AK4: variants seen among roughly 807,000 people sequenced by gnomAD.
AK4 encodes the protein adenylate kinase 4, mitochondrial.
A neutral mutation model predicts 24.6 loss-of-function variants in AK4; 13 were observed. The observed-to-expected ratio is 0.53, with a 90% CI of 0.34 to 0.84. AK4 has a LOEUF of 0.84. Among genes scored for constraint, AK4 ranks in the 40% least tolerant of loss-of-function variants. AK4 has a pLI of 0.01. For missense variants in AK4, 192 were observed against 288.2 expected (o/e 0.67, Z 2.42); for synonymous variants, 88 against 107.0 (o/e 0.82, Z 1.10).
At chr1:65,177,111 A>G (rs1223796051) in intron 1 of AK4, among the ~76,000 whole-genome samples, 2 of 152,212 alleles carry the variant, frequency 1.3e-5, no homozygotes, top group African/African-American at 4.8e-5. Context: ...TGTTGGCTAC[A>G]ACTTCCTTTG....
chr1:65,161,519 C>T (rs1278353051), intron 1 of AK4, among the ~76,000 whole-genome samples: 1 of 152,112 alleles, frequency 6.6e-6, no homozygotes, highest in African/African-American at 2.4e-5. Flanking sequence ...TTTAATCTCT[C>T]GAAGTCCATT....
intron 4 of AK4, among the ~76,000 whole-genome samples, chr1:65,225,837 GA>G (rs1325600207): frequency 6.6e-6 from 1 of 152,130 alleles, no homozygotes; most frequent in Non-Finnish European, 1.5e-5. Flanking sequence ...TAAAGGGGGA[GA>G]AAAAAGGTGG....
At chr1:65,165,657 A>G (rs553383491) in intron 1 of AK4, among the ~76,000 whole-genome samples, 38 of 152,242 alleles carry the variant, frequency 2.5e-4, no homozygotes, top group African/African-American at 8.7e-4. Flanking sequence ...GAGTTCCTCA[A>G]ACTCCTTTTG....
intron 2 of AK4, among the ~76,000 whole-genome samples, chr1:65,202,177 C>T (rs2101058115): frequency 6.6e-6 from 1 of 152,050 alleles, no homozygotes; most frequent in South Asian, 2.1e-4. Context: ...ATGGGTGGAT[C>T]ACAAGGTCAG....
chr1:65,225,933 C>G, intron 4 of AK4, 130 bp from the exon 5 acceptor site: 2 of 918,098 alleles, frequency 2.2e-6, no homozygotes, highest in South Asian at 3.5e-5. Flanking sequence ...TTGAAAGGGG[C>G]TGTTTTAGCA....
chr1:65,152,380 ATATATTTTTTTTTTTTTTT>A lies in AK4; in HGVS notation c.145+3830_145+3848del, dbSNP rs1207110082. ...TCTCTCTATATATATATATATATAT[ATATATTTTTTTTTTTTTTT>A]TTTTTTTTTTTTTTTTTTTTTGAGC... is the stretch of plus-strand genomic sequence containing the variant. On this transcript the variant is annotated intron_variant, in intron 1 of 4. Transcript: ENST00000327299. Among the ~76,000 whole-genome samples, 282 of 43,962 alleles carry A rather than the reference ATATATTTTTTTTTTTTTTT, an allele frequency of 6.4e-3. 3 individuals are homozygous for A. The highest frequency in any genetic ancestry group is 0.021 in the African/African-American group (272 of 13,106). The allele number at this position is 43,962 out of a possible 152,430, so 28.8% of individuals were successfully genotyped here. A position where few individuals can be genotyped will look rare whatever the true frequency, so the allele number is the denominator to read the frequency against.
At chr1:65,216,944 C>T (rs1436377923) in intron 2 of AK4, among the ~76,000 whole-genome samples, 1 of 152,166 alleles carries the variant, frequency 6.6e-6, no homozygotes, top group Non-Finnish European at 1.5e-5. Context: ...CAAGTGATCC[C>T]ACTGCCTCGG....
rs545162369 is a variant in AK4 at position 65,231,815 on chromosome 1, A to G, written c.*5638A>G. ...TCTCTGGGGAAATTGTTGAGTTACA[A>G]TGGCATTTCACTGTGATCCCTCTCA... On this transcript the variant is annotated 3_prime_UTR_variant, in exon 5 of 5. Transcript: ENST00000327299. 1.3e-5 allele frequency: 2 copies of G among 152,316 alleles called. No individual in the cohort carries two copies. Among genetic ancestry groups the G allele is most frequent in the Admixed American group, 1.3e-4 (2 of 15,298 alleles). The allele number at this position is 152,316 out of a possible 1,614,324, so 9.4% of individuals were successfully genotyped here.
intron 1 of AK4, among the ~76,000 whole-genome samples, chr1:65,174,482 CCTT>C (rs993182933): frequency 6.6e-6 from 1 of 152,046 alleles, no homozygotes; most frequent in African/African-American, 2.4e-5. Flanking sequence ...CTACAATTTG[CCTT>C]CTTTTTTCTT....
chr1:65,219,422 G>C (rs539379191), intron 3 of AK4, among the ~76,000 whole-genome samples: 3 of 152,180 alleles, frequency 2.0e-5, no homozygotes, highest in South Asian at 2.1e-4. Context: ...GTCATGTATA[G>C]GTTGATGCTT....
chr1:65,222,064 G>C (rs1026243999), intron 3 of AK4, among the ~76,000 whole-genome samples: 1 of 152,178 alleles, frequency 6.6e-6, no homozygotes, highest in Non-Finnish European at 1.5e-5. Flanking sequence ...ACCAGCTGGT[G>C]GTGGATGCCC....
intron 2 of AK4, among the ~76,000 whole-genome samples, chr1:65,198,944 G>A (rs1446322050): frequency 2.6e-5 from 4 of 151,874 alleles, no homozygotes; most frequent in Non-Finnish European, 4.4e-5. Context: ...GGGCATGGTG[G>A]TGCATGCCTG....
rs1652532688 is a variant in AK4 at position 65,228,441 on chromosome 1, C to A, written c.*2264C>A. The stretch of plus-strand genomic sequence containing the variant: ...GACAATTCTAGCCAACATTGAGTCA[C>A]TCAATAAGTCTCAACAGTGGGTGTG... On this transcript the variant is annotated 3_prime_UTR_variant, in exon 5 of 5. Transcript: ENST00000327299. The A allele has an allele frequency of 6.6e-6, 1 of 152,092 alleles. No individual in the cohort carries two copies. The highest frequency in any genetic ancestry group is 2.4e-5 in the African/African-American group (1 of 41,388). The allele number at this position is 152,092 out of a possible 1,614,324, so 9.4% of individuals were successfully genotyped here.
intron 1 of AK4, among the ~76,000 whole-genome samples, chr1:65,170,568 C>T (rs1177852631): frequency 6.6e-6 from 1 of 152,186 alleles, no homozygotes; most frequent in East Asian, 1.9e-4. Flanking sequence ...TGAAACTTTG[C>T]TTTTCCTTTA....
At position 65,150,928 on chromosome 1, in the gene AK4, C is replaced by G. The variant is rs1416106681; in HGVS notation, c.145+2376C>G. ...TCTTGGAAGTCTTCCCTCACCTGCT[C>G]TGGCAGAATTCATCTCTTTCCTCTG... On this transcript the variant is annotated intron_variant, in intron 1 of 4. Transcript: ENST00000327299. Among the ~76,000 whole-genome samples the G allele has an allele frequency of 2.0e-5, 3 of 152,162 alleles. No individual in the cohort carries two copies. The East Asian group carries it at 5.8e-4, about 29-fold the overall frequency.
chr1:65,165,725 C>G (rs953115792), intron 1 of AK4, among the ~76,000 whole-genome samples: 2 of 152,122 alleles, frequency 1.3e-5, no homozygotes, highest in African/African-American at 4.8e-5. Context: ...AACTGGAGCA[C>G]AGCCAAGATG....
chr1:65,181,752 T>G (rs1050925307), intron 1 of AK4, among the ~76,000 whole-genome samples: 2 of 152,222 alleles, frequency 1.3e-5, no homozygotes, highest in Non-Finnish European at 2.9e-5. Context: ...GCCATTCTTA[T>G]AACTTGACGT....
At chr1:65,225,571 A>T (rs1386766699) in intron 4 of AK4, among the ~76,000 whole-genome samples, 2 of 152,132 alleles carry the variant, frequency 1.3e-5, no homozygotes, top group African/African-American at 2.4e-5. Context: ...GTCAAACAAA[A>T]CTTTATGCTG....
intron 1 of AK4, among the ~76,000 whole-genome samples, chr1:65,172,084 TA>T (rs1650549865): frequency 4.4e-5 from 5 of 114,516 alleles, no homozygotes; most frequent in Admixed American, 3.3e-4. Context: ...TATATATATA[TA>T]TATATATATA....
Sources: allele counts gnomAD v4.1 joint callset (sites outside exome capture counted in the v4.1 genomes callset), GRCh38; gene constraint gnomAD v4.1.1; transcripts MANE v1.5; gene names NCBI Gene and HGNC (gene_info 2026-07-23, HGNC 2026-07-21).